STAG1: variants seen among roughly 807,000 people sequenced by gnomAD.
STAG1 encodes cohesin subunit SA-1.
STAG1 carries 26 observed loss-of-function variants against 170.9 expected under a neutral mutation model. That is an observed-to-expected ratio of 0.15 (90% CI 0.11 to 0.21). STAG1 has a LOEUF of 0.21. STAG1 is among the 10% of genes least tolerant of loss of function. The pLI is 1.00. For missense variants in STAG1, 964 were observed against 1,509.5 expected, an observed-to-expected ratio of 0.64 and a Z score of 5.99; for synonymous variants, 514 against 497.7, an observed-to-expected ratio of 1.03 and a Z score of -0.44.
chr3:136,671,470 T>C (rs1417197528), intron 1 of STAG1, among the ~76,000 whole-genome samples: 2 of 152,106 alleles, frequency 1.3e-5, no homozygotes, highest in Non-Finnish European at 2.9e-5. Flanking sequence ...AAGTTACTAG[T>C]GTAGGAATGC....
chr3:136,457,293 G>A (rs1277772561), intron 13 of STAG1, among the ~76,000 whole-genome samples: 1 of 152,054 alleles, frequency 6.6e-6, no homozygotes, highest in African/African-American at 2.4e-5. Flanking sequence ...CAGACTTGTT[G>A]GTTGCTCTCC....
chr3:136,687,313 T>G (rs2107893280), intron 1 of STAG1, among the ~76,000 whole-genome samples: 1 of 152,338 alleles, frequency 6.6e-6, no homozygotes, highest in Middle Eastern at 3.4e-3. Context: ...GGTTCTATTA[T>G]TAAACTACTA....
intron 12 of STAG1, among the ~76,000 whole-genome samples, chr3:136,465,736 T>C (rs927650639): frequency 1.3e-5 from 2 of 151,902 alleles, no homozygotes; most frequent in African/African-American, 4.8e-5. Context: ...AACACAAAAA[T>C]TGAAGGTTCT....
At chr3:136,389,256 C>T (rs1429114513) in intron 22 of STAG1, among the ~76,000 whole-genome samples, 7 of 152,162 alleles carry the variant, frequency 4.6e-5, no homozygotes, top group Non-Finnish European at 7.3e-5. Flanking sequence ...AAACAGCATT[C>T]ACTGGGGACA....
At chr3:136,386,695 A>G (rs1042988365) in intron 22 of STAG1, among the ~76,000 whole-genome samples, 1 of 151,984 alleles carries the variant, frequency 6.6e-6, no homozygotes, top group Non-Finnish European at 1.5e-5. Flanking sequence ...ACACCTAGCT[A>G]ATTTTTTTTT....
Position 136,392,626 on chromosome 3 carries a change from C to T in STAG1, c.2277+6123G>A, listed in dbSNP as rs373062635. Among the ~76,000 whole-genome samples, 7 of 151,898 alleles carry T rather than the reference C, an allele frequency of 4.6e-5. No individual in the cohort carries two copies. The East Asian group carries it at 9.7e-4, about 21-fold the overall frequency. On this transcript the variant is annotated intron_variant, in intron 22 of 33. Transcript: ENST00000383202. Reference sequence around the variant, plus strand: ...CTAAAAATACAAAAAGTCAGCCAAGCGTGGTGGCATGCGCCTGTAGTCCCA... The same window carrying T: ...CTAAAAATACAAAAAGTCAGCCAAGTGTGGTGGCATGCGCCTGTAGTCCCA...
At chr3:136,500,435 A>T in intron 8 of STAG1, 139 bp from the exon 9 acceptor site, 1 of 573,712 alleles carries the variant, frequency 1.7e-6, no homozygotes, top group South Asian at 2.2e-5. Flanking sequence ...AGATGTGTGA[A>T]AATACCAGTA....
chr3:136,340,619 GGT>G lies in STAG1; in HGVS notation c.3558-16_3558-15del, dbSNP rs1560043332. On this transcript the variant is annotated splice_polypyrimidine_tract_variant and intron_variant, in intron 31 of 33. Transcript: ENST00000383202. ...ATTAGACCCCGACTGGTAAGAAAAA[GGT>G]ATTGTCAGAAAGCTCATCAGACTCC... is the stretch of plus-strand genomic sequence containing the variant. 2 of 1,556,726 alleles carry G rather than the reference GGT, an allele frequency of 1.3e-6. No homozygotes were observed. Among genetic ancestry groups the G allele is most frequent in the Non-Finnish European group, 1.8e-6 (2 of 1,127,750 alleles).
intron 1 of STAG1, among the ~76,000 whole-genome samples, chr3:136,751,932 G>T (rs1293970405): frequency 6.6e-6 from 1 of 150,814 alleles, no homozygotes; most frequent in African/African-American, 2.4e-5. Context: ...GGGGTGGCAA[G>T]CGACGAAGAC....
intron 1 of STAG1, among the ~76,000 whole-genome samples, chr3:136,699,544 CTAATT>C (rs1371870449): frequency 2.0e-5 from 3 of 151,618 alleles, no homozygotes; most frequent in Non-Finnish European, 4.4e-5. Flanking sequence ...GCCACCACGT[CTAATT>C]TATTTTTTTT....
chr3:136,577,380 T>G (rs1445166324), intron 4 of STAG1, among the ~76,000 whole-genome samples: 1 of 152,186 alleles, frequency 6.6e-6, no homozygotes, highest in Non-Finnish European at 1.5e-5. Flanking sequence ...CTCACCAAGT[T>G]TCTCATCTGG....
intron 3 of STAG1, among the ~76,000 whole-genome samples, chr3:136,616,559 T>A (rs971618132): frequency 2.5e-4 from 38 of 152,218 alleles, no homozygotes; most frequent in East Asian, 5.8e-4. Flanking sequence ...TCCAAAAAAA[T>A]TTTTTATAGA....
At position 136,724,775 on chromosome 3, in the gene STAG1, C is replaced by T. The variant is rs114872001; in HGVS notation, c.-84+27420G>A. 7.7e-3 allele frequency among the ~76,000 whole-genome samples: 1,168 copies of T among 152,144 alleles called. 19 individuals are homozygous for T. The highest frequency in any genetic ancestry group is 0.027 in the African/African-American group (1,136 of 41,502). ...GCAATGAAAAGACAAAAATGCAAAGCAGATGAACATATTTTGAGAGGTAAA... is the reference window on the plus strand; with the variant it reads ...GCAATGAAAAGACAAAAATGCAAAGTAGATGAACATATTTTGAGAGGTAAA... On this transcript the variant is annotated intron_variant, in intron 1 of 33. Transcript: ENST00000383202.
intron 6 of STAG1, among the ~76,000 whole-genome samples, chr3:136,534,604 T>C (rs1004402432): frequency 1.5e-4 from 23 of 152,090 alleles, no homozygotes; most frequent in Admixed American, 5.2e-4. Flanking sequence ...GAATAGTCAA[T>C]TCTCAAAAGA....
chr3:136,512,768 G>T (rs188609906), intron 7 of STAG1, among the ~76,000 whole-genome samples: 2 of 151,486 alleles, frequency 1.3e-5, no homozygotes, highest in African/African-American at 4.8e-5. Context: ...CCACCAGACT[G>T]CTCGATAGTG....
At chr3:136,581,821 G>T (rs986759138) in intron 4 of STAG1, among the ~76,000 whole-genome samples, 2 of 151,946 alleles carry the variant, frequency 1.3e-5, no homozygotes, top group Non-Finnish European at 1.5e-5. Context: ...TATATTCAAG[G>T]AATATCAACA....
intron 23 of STAG1, among the ~76,000 whole-genome samples, chr3:136,372,204 C>A (rs1310008283): frequency 6.6e-6 from 1 of 152,120 alleles, no homozygotes. Flanking sequence ...ATTTTGTATC[C>A]TGAGACTTTG....
chr3:136,665,712 A>G (rs892551519), intron 1 of STAG1, among the ~76,000 whole-genome samples: 2 of 150,240 alleles, frequency 1.3e-5, no homozygotes, highest in East Asian at 4.0e-4. Context: ...CCCAGGAGGC[A>G]GAGCTTGCAG....
At chr3:136,484,054 C>T (rs2089947426) in intron 9 of STAG1, among the ~76,000 whole-genome samples, 1 of 117,738 alleles carries the variant, frequency 8.5e-6, no homozygotes, top group African/African-American at 3.3e-5. Context: ...GTAATTTGAT[C>T]GTCTGAAGCC....
Sources: gnomAD v4.1 joint callset for allele counts (sites outside exome capture counted in the v4.1 genomes callset) on GRCh38, gnomAD v4.1.1 for gene constraint, MANE v1.5 for transcripts, NCBI Gene and HGNC (gene_info 2026-07-23, HGNC 2026-07-21) for gene names.